The following PCDHA6 variants were observed in gnomAD, a reference collection of about 807,000 sequenced individuals.
PCDHA6 encodes protocadherin alpha 6.
In PCDHA6, 55 loss-of-function variants were observed where a neutral mutation model predicts 60.3. That is an observed-to-expected ratio of 0.91 (90% CI 0.73 to 1.14). The LOEUF is 1.14. Ranked by LOEUF, PCDHA6 falls within the 50% of genes most tolerant of loss-of-function variation. PCDHA6 has a pLI of 0.00. For missense variants in PCDHA6, 1,327 were observed against 1,256.5 expected (o/e 1.06, Z -0.85); for synonymous variants, 652 against 557.9 (o/e 1.17, Z -2.38).
chr5:140,841,709 C>T, intron 1 of PCDHA6: 1 of 1,613,900 alleles, frequency 6.2e-7, no homozygotes, highest in South Asian at 1.1e-5. Context: ...TAATGACAAC[C>T]CGCCAGTGTT....
At chr5:140,843,766 G>T (rs1303909479) in intron 1 of PCDHA6, 4 of 1,487,952 alleles carry the variant, frequency 2.7e-6, no homozygotes, top group Non-Finnish European at 3.7e-6. Context: ...GGAAATTGTA[G>T]TTACTTTAAA....
chr5:140,882,059 A>C, intron 1 of PCDHA6: 1 of 799,024 alleles, frequency 1.3e-6, no homozygotes, highest in Non-Finnish European at 1.9e-6. Flanking sequence ...TTACACTTAC[A>C]CGTTCATGCG....
chr5:140,871,504 C>G (rs782640295), intron 1 of PCDHA6: 2 of 1,581,824 alleles, frequency 1.3e-6, no homozygotes, highest in African/African-American at 1.3e-5. Context: ...GGTGAGTTTT[C>G]TACAGATTCC....
chr5:140,941,191 T>TTTTTTTCTTTC (rs1554213809), intron 1 of PCDHA6, among the ~76,000 whole-genome samples: 6 of 93,206 alleles, frequency 6.4e-5, no homozygotes, highest in Admixed American at 2.5e-4. Context: ...GCTTCTTTTT[T>TTTTTTTCTTTC]TTTCTTTCTT....
chr5:140,967,073 G>T, intron 1 of PCDHA6: 1 of 1,613,160 alleles, frequency 6.2e-7, no homozygotes, highest in Non-Finnish European at 8.5e-7. Flanking sequence ...CTTCGTCAAC[G>T]AGCGCATTGA....
chr5:140,923,189 C>A (rs1452451112), intron 1 of PCDHA6, among the ~76,000 whole-genome samples: 1 of 152,210 alleles, frequency 6.6e-6, no homozygotes, highest in African/African-American at 2.4e-5. Flanking sequence ...GCATCTACTG[C>A]AGCAATTTGG....
chr5:140,987,001 G>T (rs2097221434), intron 3 of PCDHA6, among the ~76,000 whole-genome samples: 1 of 152,038 alleles, frequency 6.6e-6, no homozygotes. Context: ...ATCACTTGAG[G>T]TCATGAGTTC....
chr5:140,951,252 A>G (rs568359458), intron 1 of PCDHA6, among the ~76,000 whole-genome samples: 1 of 151,856 alleles, frequency 6.6e-6, no homozygotes, highest in African/African-American at 2.4e-5. Context: ...AATGCATCAC[A>G]TTTTTCTGGT....
intron 1 of PCDHA6, chr5:140,860,707 T>G (rs914346962): frequency 6.6e-6 from 1 of 152,220 alleles, no homozygotes; most frequent in Non-Finnish European, 1.5e-5. Context: ...ATTGTTGTTC[T>G]CCATGAAAAG....
chr5:140,853,170 C>G, intron 1 of PCDHA6: 1 of 964,208 alleles, frequency 1.0e-6, no homozygotes, highest in South Asian at 4.8e-5. Flanking sequence ...TGAGCCACCG[C>G]GCCTGGCCTA....
In PCDHA6 at chr5:140,844,977, T is replaced by C. The variant is rs1326529919; in HGVS notation, c.2394+14492T>C. On this transcript the variant is annotated intron_variant, in intron 1 of 3. Transcript: ENST00000529310. ...TTCTTACAGTTTGTTATTAGTATTGTTTTAAATCTTTTAATCACTTATGAA... is the reference window on the plus strand; with the variant it reads ...TTCTTACAGTTTGTTATTAGTATTGCTTTAAATCTTTTAATCACTTATGAA... 1.3e-5 allele frequency among the ~76,000 whole-genome samples: 2 copies of C among 149,260 alleles called. 1 individual carries two copies. Among genetic ancestry groups the C allele is most frequent in the Non-Finnish European group, 3.0e-5 (2 of 66,708 alleles).
At chr5:140,953,413 C>T (rs965115726) in intron 1 of PCDHA6, among the ~76,000 whole-genome samples, 1 of 152,120 alleles carries the variant, frequency 6.6e-6, no homozygotes, top group Non-Finnish European at 1.5e-5. Context: ...GCTCCTGGCT[C>T]CTCCCCTTTG....
At chr5:140,999,398 A>G (rs17119351) in intron 3 of PCDHA6, among the ~76,000 whole-genome samples, 13,435 of 152,202 alleles carry the variant, frequency 0.088, 686 homozygotes, top group African/African-American at 0.14. Flanking sequence ...TTTGTTTTGC[A>G]TATGAAAGAA....
At chr5:140,927,511 G>A (rs1563093224) in intron 1 of PCDHA6, 1 of 1,614,120 alleles carries the variant, frequency 6.2e-7, no homozygotes, top group Non-Finnish European at 8.5e-7. Context: ...TACAGCTCGG[G>A]ACGGCGGGCT....
At chr5:140,967,681 G>A (rs367838143) in intron 1 of PCDHA6, 12 of 1,614,086 alleles carry the variant, frequency 7.4e-6, no homozygotes, top group Non-Finnish European at 9.3e-6. Flanking sequence ...ACCGGGAGAG[G>A]CAGCTCTTCA....
intron 1 of PCDHA6, chr5:140,843,946 C>A: frequency 1.8e-6 from 1 of 563,342 alleles, no homozygotes; most frequent in Non-Finnish European, 3.1e-6. Context: ...TGGATGATAT[C>A]CATTTTTTAC....
intron 1 of PCDHA6, chr5:140,875,283 CAG>C: frequency 7.3e-7 from 1 of 1,362,464 alleles, no homozygotes; most frequent in Non-Finnish European, 9.6e-7. Flanking sequence ...GAAGGTGAAA[CAG>C]GAAAATTTTT....
chr5:140,915,205 C>G (rs1554196797), intron 1 of PCDHA6, among the ~76,000 whole-genome samples: 1 of 152,076 alleles, frequency 6.6e-6, no homozygotes, highest in Non-Finnish European at 1.5e-5. Flanking sequence ...TCTTGGCCTC[C>G]CAAAGTGCTG....
intron 1 of PCDHA6, among the ~76,000 whole-genome samples, chr5:140,902,264 C>G (rs1187258512): frequency 6.8e-6 from 1 of 147,240 alleles, no homozygotes; most frequent in Admixed American, 6.9e-5. Context: ...TCTCGAACTC[C>G]TGGGCTCAAG....
Sources: gnomAD v4.1 joint callset for allele counts (sites outside exome capture counted in the v4.1 genomes callset) on GRCh38, gnomAD v4.1.1 for gene constraint, MANE v1.5 for transcripts, NCBI Gene and HGNC (gene_info 2026-07-23, HGNC 2026-07-21) for gene names.